Variants in PDGFC observed in about 807,000 individuals in gnomAD.
PDGFC encodes platelet-derived growth factor C.
Under a neutral mutation model 35.5 loss-of-function variants are expected in PDGFC, and 12 were observed. That is an observed-to-expected ratio of 0.34 (90% CI 0.22 to 0.55). PDGFC has a LOEUF of 0.55. Among genes scored for constraint, PDGFC ranks in the 20% least tolerant of loss-of-function variants. The probability of loss-of-function intolerance (pLI) is 0.91; values close to 1 mark genes in which losing one functional copy is unlikely to be tolerated. For synonymous variants in PDGFC, 159 were observed against 148.8 expected (o/e 1.07, Z -0.50); for missense variants, 322 against 412.4 (o/e 0.78, Z 1.90).
chr4:156,832,253 C>CTTTTTTTTTT (rs542396769), intron 2 of PDGFC, among the ~76,000 whole-genome samples: 7 of 121,136 alleles, frequency 5.8e-5, no homozygotes, highest in African/African-American at 6.4e-5. Context: ...TTCTTTCTTT[C>CTTTTTTTTTT]TTTTTTTTTT....
At chr4:156,872,619 C>G (rs370644714) in intron 1 of PDGFC, among the ~76,000 whole-genome samples, 96 of 152,152 alleles carry the variant, frequency 6.3e-4, no homozygotes, top group African/African-American at 2.3e-3. Flanking sequence ...TAAGTTTCAT[C>G]TCTTTAACTA....
rs139848604 is a variant in PDGFC, at chr4:156,877,923, C to A, written c.119-27507G>T. On this transcript the variant is annotated intron_variant, in intron 1 of 5. Transcript: ENST00000502773. The stretch of plus-strand genomic sequence containing the variant: ...GCTAGGATAATTCCCTATTCTCACC[C>A]CTTTTCTAATATGCTCTCCTAACAT... Among the ~76,000 whole-genome samples the A allele has an allele frequency of 4.6e-3, 698 of 152,182 alleles. 8 individuals are homozygous for A. Among genetic ancestry groups the A allele is most frequent in the African/African-American group, 0.015 (624 of 41,508 alleles).
chr4:156,913,598 C>T (rs751662745), intron 1 of PDGFC, among the ~76,000 whole-genome samples: 20 of 152,160 alleles, frequency 1.3e-4, no homozygotes, highest in Non-Finnish European at 1.9e-4. Context: ...TGAGGCTTCG[C>T]GCCAAATCTG....
rs1434592652 is a variant in PDGFC at position 156,971,660 on chromosome 4, C to T, written c.-757G>A. On this transcript the variant is annotated 5_prime_UTR_variant, in exon 1 of 6. Transcript: ENST00000502773. ...GCGACCAAAGTTCACCTTGTTCGGG[C>T]TCGTCCCCCGCTCCTCAAAGCCTGG... Among the ~76,000 whole-genome samples the T allele has an allele frequency of 6.6e-6, 1 of 151,874 alleles. No homozygotes were observed. The highest frequency in any genetic ancestry group is 1.5e-5 in the Non-Finnish European group (1 of 67,940).
chr4:156,829,518 C>A (rs1728873945), intron 2 of PDGFC, among the ~76,000 whole-genome samples: 2 of 152,102 alleles, frequency 1.3e-5, no homozygotes, highest in East Asian at 3.9e-4. Context: ...CTTTTTCTCA[C>A]TTTAAAATTT....
intron 2 of PDGFC, among the ~76,000 whole-genome samples, chr4:156,838,924 A>C (rs1729131926): frequency 6.6e-6 from 1 of 152,180 alleles, no homozygotes; most frequent in African/African-American, 2.4e-5. Flanking sequence ...GTTAAGAGAT[A>C]AAGTGGGACC....
At chr4:156,899,248 T>A (rs765148865) in intron 1 of PDGFC, among the ~76,000 whole-genome samples, 1 of 152,174 alleles carries the variant, frequency 6.6e-6, no homozygotes, top group Non-Finnish European at 1.5e-5. Context: ...TGTAGGATTG[T>A]ATCAGGTATT....
chr4:156,768,080 T>TA, intron 4 of PDGFC, 90 bp from the exon 5 acceptor site: 1 of 793,390 alleles, frequency 1.3e-6, no homozygotes, highest in Non-Finnish European at 2.1e-6. Flanking sequence ...AAAGAAATCT[T>TA]ACGTTATTTC....
At chr4:156,910,940 C>G (rs1731023999) in intron 1 of PDGFC, among the ~76,000 whole-genome samples, 1 of 152,138 alleles carries the variant, frequency 6.6e-6, no homozygotes, top group African/African-American at 2.4e-5. Flanking sequence ...ATCATATACA[C>G]AAATCCTTTG....
At chr4:156,807,156 G>C (rs78514917) in intron 3 of PDGFC, among the ~76,000 whole-genome samples, 2,910 of 151,894 alleles carry the variant, frequency 0.019, 37 homozygotes, top group Middle Eastern at 0.034. Flanking sequence ...TATTAATGGA[G>C]CATGACTGGA....
intron 1 of PDGFC, among the ~76,000 whole-genome samples, chr4:156,902,869 G>A (rs891747586): frequency 6.6e-5 from 10 of 151,904 alleles, no homozygotes; most frequent in East Asian, 3.9e-4. Context: ...TCTTTTTTAC[G>A]TCCCTGTAAA....
At chr4:156,951,314 C>T (rs1050283480) in intron 1 of PDGFC, among the ~76,000 whole-genome samples, 2 of 151,856 alleles carry the variant, frequency 1.3e-5, no homozygotes, top group Non-Finnish European at 2.9e-5. Context: ...ATAATCAATG[C>T]AGGCAAATAG....
At chr4:156,903,469 A>G (rs143810372) in intron 1 of PDGFC, among the ~76,000 whole-genome samples, 2,472 of 152,074 alleles carry the variant, frequency 0.016, 69 homozygotes, top group African/African-American at 0.056. Context: ...CCATCTAGAC[A>G]TATTACAAAT....
chr4:156,819,821 G>T (rs540043304), intron 2 of PDGFC, among the ~76,000 whole-genome samples: 1 of 152,242 alleles, frequency 6.6e-6, no homozygotes, highest in East Asian at 1.9e-4. Flanking sequence ...GGTGAATCTG[G>T]GCAGAGTAAA....
intron 1 of PDGFC, among the ~76,000 whole-genome samples, chr4:156,955,189 T>C (rs1276142711): frequency 6.6e-6 from 1 of 151,928 alleles, no homozygotes; most frequent in African/African-American, 2.4e-5. Flanking sequence ...AGATGATGGT[T>C]CCCTTCCATT....
intron 1 of PDGFC, among the ~76,000 whole-genome samples, chr4:156,962,596 T>A (rs549107717): frequency 2.6e-5 from 4 of 152,308 alleles, no homozygotes; most frequent in African/African-American, 9.6e-5. Flanking sequence ...AAAGAGCAGA[T>A]GCTCATACAT....
chr4:156,923,046 A>T (rs897724763), intron 1 of PDGFC, among the ~76,000 whole-genome samples: 1 of 152,236 alleles, frequency 6.6e-6, no homozygotes, highest in East Asian at 1.9e-4. Context: ...TATATTTTTT[A>T]AATAAATCAG....
intron 1 of PDGFC, among the ~76,000 whole-genome samples, chr4:156,879,965 A>G (rs868012153): frequency 4.6e-5 from 7 of 152,284 alleles, no homozygotes; most frequent in African/African-American, 1.4e-4. Context: ...ATGAAGGGTG[A>G]GAGAGGTGAG....
At chr4:156,901,971 C>T (rs1369051523) in intron 1 of PDGFC, among the ~76,000 whole-genome samples, 1 of 152,072 alleles carries the variant, frequency 6.6e-6, no homozygotes, top group Non-Finnish European at 1.5e-5. Flanking sequence ...GACAGCGATG[C>T]CAGGATAAGG....
Sources: allele counts gnomAD v4.1 joint callset (sites outside exome capture counted in the v4.1 genomes callset), GRCh38; gene constraint gnomAD v4.1.1; transcripts MANE v1.5; gene names NCBI Gene and HGNC (gene_info 2026-07-23, HGNC 2026-07-21).